RYR2: variants seen among roughly 807,000 people sequenced by gnomAD.
RYR2 encodes cardiac muscle ryanodine receptor-calcium release channel.
In RYR2, 227 loss-of-function variants were observed where a neutral mutation model predicts 601.1. That is an observed-to-expected ratio of 0.38 (90% CI 0.34 to 0.42). The LOEUF (loss-of-function observed/expected upper bound fraction) is 0.42, where lower values mean the gene tolerates loss of function less well. Ranked by LOEUF, RYR2 falls within the 10% of genes least tolerant of loss-of-function variation. The pLI, the probability that RYR2 is intolerant of heterozygous loss-of-function variation, is 1.00. For synonymous variants in RYR2, 2,223 were observed against 2,175.1 expected (o/e 1.02, Z -0.61); for missense variants, 4,646 against 6,156.5 (o/e 0.75, Z 8.21).
At position 237,105,077 on chromosome 1, in the gene RYR2, C is replaced by G. The variant is rs111571975; in HGVS notation, c.48+62508C>G. 3.9e-3 allele frequency among the ~76,000 whole-genome samples: 589 copies of G among 152,308 alleles called. 4 individuals are homozygous for G. The highest frequency in any genetic ancestry group is 0.013 in the African/African-American group (561 of 41,564). ...TGCTGCTCACATCTTGTGAGTCCTCCCCCTTCCTGACATGAGTCTCAGTGC... is the reference window on the plus strand; with the variant it reads ...TGCTGCTCACATCTTGTGAGTCCTCGCCCTTCCTGACATGAGTCTCAGTGC... On this transcript the variant is annotated intron_variant, in intron 1 of 104. Coordinates refer to ENST00000366574, the MANE Select transcript of RYR2 (RefSeq NM_001035.3).
chr1:237,237,848 A>G (rs1006736432), intron 1 of RYR2, among the ~76,000 whole-genome samples: 2 of 151,528 alleles, frequency 1.3e-5, no homozygotes, highest in African/African-American at 4.8e-5. Context: ...CTTCATCTGC[A>G]TAATAAAAAC....
At chr1:237,598,367 C>A (rs533426932) in intron 34 of RYR2, among the ~76,000 whole-genome samples, 1 of 152,300 alleles carries the variant, frequency 6.6e-6, no homozygotes, top group African/African-American at 2.4e-5. Context: ...GAAGAATACA[C>A]ATTATTCTCA....
intron 1 of RYR2, among the ~76,000 whole-genome samples, chr1:237,093,648 T>C (rs1667205756): frequency 6.6e-6 from 1 of 152,076 alleles, no homozygotes; most frequent in Non-Finnish European, 1.5e-5. Flanking sequence ...GAAGGAGAAA[T>C]AAGCATTGAG....
chr1:237,284,475 T>TAA (rs1553380447), intron 2 of RYR2, among the ~76,000 whole-genome samples: 1 of 86,818 alleles, frequency 1.2e-5, no homozygotes, highest in Non-Finnish European at 2.0e-5. Context: ...CCACTATATA[T>TAA]ACATATATAT....
chr1:237,379,868 A>C lies in RYR2; in HGVS notation c.576+2433A>C, dbSNP rs537252277. ...AAGAGAGCAGCCAACCAGGTTGTTA[A>C]AATTTCACTTTCATTTGATAATGAA... On this transcript the variant is annotated intron_variant, in intron 8 of 104. Coordinates refer to ENST00000366574, the MANE Select transcript of RYR2 (RefSeq NM_001035.3). 3.3e-5 allele frequency among the ~76,000 whole-genome samples: 5 copies of C among 152,312 alleles called. No individual in the cohort carries two copies. In the East Asian group the frequency reaches 9.7e-4, roughly 29 times the overall value.
chr1:237,603,818 A>G (rs2148521424), intron 35 of RYR2, among the ~76,000 whole-genome samples: 1 of 152,340 alleles, frequency 6.6e-6, no homozygotes, highest in South Asian at 2.1e-4. Context: ...ATCAAAAGAG[A>G]CAAACAAGGC....
chr1:237,493,150 C>T, intron 19 of RYR2, 63 bp downstream of exon 19: 2 of 1,576,580 alleles, frequency 1.3e-6, no homozygotes, highest in South Asian at 1.1e-5. Flanking sequence ...TGTTCTTGCC[C>T]TGTAGCTGAT....
intron 63 of RYR2, among the ~76,000 whole-genome samples, chr1:237,692,736 C>A (rs1687058390): frequency 6.6e-6 from 1 of 152,168 alleles, no homozygotes. Context: ...AACTATCCAT[C>A]CTTCAGACTT....
chr1:237,510,676 T>C (rs1672779171), intron 23 of RYR2, among the ~76,000 whole-genome samples: 1 of 152,226 alleles, frequency 6.6e-6, no homozygotes, highest in South Asian at 2.1e-4. Context: ...TTTTAGGATC[T>C]GGTAATGATG....
rs181363666 is a variant in RYR2 at position 237,474,215 on chromosome 1, G to A, written c.1708+5028G>A. On this transcript the variant is annotated intron_variant, in intron 17 of 104. Coordinates refer to ENST00000366574, the MANE Select transcript of RYR2 (RefSeq NM_001035.3). ...CGTGTGTATATATGTGTGTGTGTGT[G>A]TGTGTAGATCTATACATATATATGT... 3.3e-3 allele frequency among the ~76,000 whole-genome samples: 365 copies of A among 111,514 alleles called. 4 individuals are homozygous for A. The highest frequency in any genetic ancestry group is 8.9e-3 in the African/African-American group (338 of 37,900). The allele number at this position is 111,514 out of a possible 152,430, so 73.2% of individuals were successfully genotyped here.
At chr1:237,804,223 C>A (rs953818856) in intron 98 of RYR2, among the ~76,000 whole-genome samples, 1 of 151,870 alleles carries the variant, frequency 6.6e-6, no homozygotes, top group Admixed American at 6.6e-5. Context: ...CTCTCCAACA[C>A]TGCCACACTT....
chr1:237,309,885 C>G (rs188888747), intron 2 of RYR2, among the ~76,000 whole-genome samples: 1 of 152,182 alleles, frequency 6.6e-6, no homozygotes, highest in Non-Finnish European at 1.5e-5. Context: ...AAGCCCCTCA[C>G]TGCCCGGGGC....
At chr1:237,263,338 T>G (rs866459755) in intron 1 of RYR2, among the ~76,000 whole-genome samples, 3 of 152,340 alleles carry the variant, frequency 2.0e-5, no homozygotes, top group Middle Eastern at 6.8e-3. Flanking sequence ...ATTGAGTTCA[T>G]AACATTTGCA....
At chr1:237,202,314 A>G (rs931378770) in intron 1 of RYR2, among the ~76,000 whole-genome samples, 1 of 152,164 alleles carries the variant, frequency 6.6e-6, no homozygotes, top group Admixed American at 6.5e-5. Flanking sequence ...GAGTCTGAGC[A>G]CTTGAACATT....
intron 1 of RYR2, among the ~76,000 whole-genome samples, chr1:237,231,835 T>G (rs1367067009): frequency 6.6e-6 from 1 of 152,160 alleles, no homozygotes; most frequent in Non-Finnish European, 1.5e-5. Context: ...CCACATTGCT[T>G]CTTCAAAGGA....
chr1:237,058,375 C>T (rs1418466926), intron 1 of RYR2, among the ~76,000 whole-genome samples: 1 of 152,052 alleles, frequency 6.6e-6, no homozygotes, highest in Non-Finnish European at 1.5e-5. Context: ...GTTTTTTCCT[C>T]CACATTTTTG....
In RYR2 at chr1:237,770,810, A is replaced by C. The variant is rs1446930267; in HGVS notation, c.11480A>C (p.Glu3827Ala). The change falls in exon 85 of 105, where the codon GAA becomes GCA. Residue 3827 changes from glutamate to alanine, a missense_variant. Glu to Ala is a moderately radical substitution (Grantham distance 107). Coordinates refer to ENST00000366574, the MANE Select transcript of RYR2 (RefSeq NM_001035.3). ...LGMVTEEGSG[E>A]KVLQDDEFTC... ...GATCCCTCTGGATTTCCCACAGGAG[A>C]AAAGGTTCTGCAGGACGATGAGTTC... 1.3e-6 allele frequency: 2 copies of C among 1,548,818 alleles called. No individual in the cohort carries two copies. Among genetic ancestry groups the C allele is most frequent in the South Asian group, 1.2e-5 (1 of 84,110 alleles).
chr1:237,052,829 G>C (rs1661457876), intron 1 of RYR2, among the ~76,000 whole-genome samples: 1 of 151,918 alleles, frequency 6.6e-6, no homozygotes, highest in Non-Finnish European at 1.5e-5. Context: ...GATGCCCTTT[G>C]CCTCTCTTCT....
intron 1 of RYR2, among the ~76,000 whole-genome samples, chr1:237,135,456 G>T (rs777602471): frequency 6.6e-6 from 1 of 150,544 alleles, no homozygotes; most frequent in Admixed American, 6.6e-5. Context: ...TGCAAGCTCC[G>T]CCTCCCAGGT....
Sources: allele counts gnomAD v4.1 joint callset (sites outside exome capture counted in the v4.1 genomes callset), GRCh38; gene constraint gnomAD v4.1.1; transcripts MANE v1.5; gene names NCBI Gene and HGNC (gene_info 2026-07-23, HGNC 2026-07-21).